Variants in ST6GALNAC3 observed in about 807,000 individuals in gnomAD.
The protein encoded by ST6GALNAC3 is alpha-N-acetylgalactosaminide alpha-2,6-sialyltransferase 3.
ST6GALNAC3 carries 25 observed loss-of-function variants against 32.7 expected under a neutral mutation model. The observed-to-expected ratio is 0.76, with a 90% CI of 0.56 to 1.07. The LOEUF (loss-of-function observed/expected upper bound fraction) is 1.07, where lower values mean the gene tolerates loss of function less well. Among genes scored for constraint, ST6GALNAC3 ranks in the 50% least tolerant of loss-of-function variants. ST6GALNAC3 has a pLI of 0.00. For synonymous variants in ST6GALNAC3, 129 were observed against 133.1 expected (o/e 0.97, Z 0.21); for missense variants, 355 against 382.4 (o/e 0.93, Z 0.60).
At chr1:76,470,651 A>T (rs1658962659) in intron 3 of ST6GALNAC3, among the ~76,000 whole-genome samples, 1 of 152,050 alleles carries the variant, frequency 6.6e-6, no homozygotes, top group African/African-American at 2.4e-5. Flanking sequence ...TAGGGGGGAA[A>T]AATCCAGGGT....
chr1:76,536,654 C>CAAA (rs35157329), intron 3 of ST6GALNAC3, among the ~76,000 whole-genome samples: 290 of 57,458 alleles, frequency 5.0e-3, no homozygotes, highest in African/African-American at 5.4e-3. Context: ...AAATGGAAAG[C>CAAA]AAAAAAAAAA....
chr1:76,233,120 C>T (rs979808303), intron 1 of ST6GALNAC3, among the ~76,000 whole-genome samples: 1 of 152,082 alleles, frequency 6.6e-6, no homozygotes, highest in Non-Finnish European at 1.5e-5. Context: ...GTTACCACAC[C>T]CATTCTTCCT....
chr1:76,316,303 C>T (rs1646864620), intron 2 of ST6GALNAC3, among the ~76,000 whole-genome samples: 2 of 152,220 alleles, frequency 1.3e-5, no homozygotes, highest in East Asian at 1.9e-4. Context: ...TAGAGGTGCT[C>T]ATGAACCCGT....
At chr1:76,227,767 T>G (rs1395824295) in intron 1 of ST6GALNAC3, among the ~76,000 whole-genome samples, 1 of 152,210 alleles carries the variant, frequency 6.6e-6, no homozygotes, top group Non-Finnish European at 1.5e-5. Flanking sequence ...TCAATTACAG[T>G]AATAATCAGC....
At chr1:76,277,253 T>C (rs578002299) in intron 1 of ST6GALNAC3, among the ~76,000 whole-genome samples, 8 of 151,834 alleles carry the variant, frequency 5.3e-5, no homozygotes, top group African/African-American at 1.9e-4. Flanking sequence ...TGTATGCCTA[T>C]GTGTGTGTGT....
intron 3 of ST6GALNAC3, among the ~76,000 whole-genome samples, chr1:76,500,161 C>T (rs1456873654): frequency 1.3e-5 from 2 of 152,134 alleles, no homozygotes; most frequent in African/African-American, 4.8e-5. Context: ...GATTGCATAT[C>T]ATATAACCTA....
intron 2 of ST6GALNAC3, among the ~76,000 whole-genome samples, chr1:76,339,592 A>T (rs1036690333): frequency 1.3e-5 from 2 of 152,176 alleles, no homozygotes; most frequent in African/African-American, 2.4e-5. Context: ...TTCCTTTTGA[A>T]TGTCCCACTA....
At chr1:76,156,866 G>A (rs1651470413) in intron 1 of ST6GALNAC3, among the ~76,000 whole-genome samples, 1 of 152,168 alleles carries the variant, frequency 6.6e-6, no homozygotes, top group Non-Finnish European at 1.5e-5. Context: ...CAAGTAGCTG[G>A]GACTACAGGC....
At chr1:76,185,350 T>C (rs1488570640) in intron 1 of ST6GALNAC3, among the ~76,000 whole-genome samples, 3 of 152,184 alleles carry the variant, frequency 2.0e-5, no homozygotes, top group African/African-American at 2.4e-5. Flanking sequence ...CACCATTTTA[T>C]TGGAACATCA....
At chr1:76,206,517 C>A (rs1428309614) in intron 1 of ST6GALNAC3, among the ~76,000 whole-genome samples, 2 of 152,114 alleles carry the variant, frequency 1.3e-5, no homozygotes, top group Non-Finnish European at 2.9e-5. Flanking sequence ...ATCATGAGGT[C>A]AGGAGATCAA....
chr1:76,376,224 AT>A (rs1651216199), intron 2 of ST6GALNAC3, among the ~76,000 whole-genome samples: 1 of 152,192 alleles, frequency 6.6e-6, no homozygotes, highest in African/African-American at 2.4e-5. Context: ...CAATGATAAC[AT>A]CTTATGTGAG....
intron 2 of ST6GALNAC3, among the ~76,000 whole-genome samples, chr1:76,398,079 C>CTGAGTACTTGCTT (rs1653117220): frequency 6.6e-6 from 1 of 152,006 alleles, no homozygotes; most frequent in Non-Finnish European, 1.5e-5. Flanking sequence ...TGGTTCCAGT[C>CTGAGTACTTGCTT]CTAGTAAGAA....
intron 3 of ST6GALNAC3, among the ~76,000 whole-genome samples, chr1:76,622,070 T>G (rs201186436): frequency 6.6e-6 from 1 of 151,992 alleles, no homozygotes; most frequent in East Asian, 1.9e-4. Context: ...GATAAATGAT[T>G]ATTATGCTTT....
intron 3 of ST6GALNAC3, among the ~76,000 whole-genome samples, chr1:76,521,330 T>TAC (rs964865811): frequency 1.1e-4 from 17 of 150,690 alleles, no homozygotes; most frequent in South Asian, 8.4e-4. Context: ...TACATGCATA[T>TAC]ACACACACAC....
intron 3 of ST6GALNAC3, among the ~76,000 whole-genome samples, chr1:76,489,013 T>C (rs770887439): frequency 6.6e-6 from 1 of 152,218 alleles, no homozygotes; most frequent in Non-Finnish European, 1.5e-5. Flanking sequence ...TTTGCTTATC[T>C]GCCTTCTTCT....
intron 1 of ST6GALNAC3, among the ~76,000 whole-genome samples, chr1:76,199,098 T>C (rs1468220857): frequency 6.6e-6 from 1 of 152,192 alleles, no homozygotes; most frequent in Non-Finnish European, 1.5e-5. Context: ...ATTCTTCCCT[T>C]TCCTTCAACA....
chr1:76,609,956 T>C (rs1468817437), intron 3 of ST6GALNAC3, among the ~76,000 whole-genome samples: 1 of 152,178 alleles, frequency 6.6e-6, no homozygotes. Context: ...GAGTGCTAAG[T>C]TGGTTAGGTT....
At chr1:76,436,831 ATAT>A (rs1250186453) in intron 3 of ST6GALNAC3, among the ~76,000 whole-genome samples, 1 of 152,146 alleles carries the variant, frequency 6.6e-6, no homozygotes, top group Admixed American at 6.5e-5. Flanking sequence ...ATTTAGGATA[ATAT>A]TCAACACATT....
intron 1 of ST6GALNAC3, among the ~76,000 whole-genome samples, chr1:76,212,167 C>T (rs1655204862): frequency 2.6e-5 from 4 of 152,294 alleles, no homozygotes; most frequent in Admixed American, 2.6e-4. Flanking sequence ...TCATTTCCAT[C>T]CTCAGAAAAA....
Sources: allele counts gnomAD v4.1 joint callset (sites outside exome capture counted in the v4.1 genomes callset), GRCh38; gene constraint gnomAD v4.1.1; transcripts MANE v1.5; gene names NCBI Gene and HGNC (gene_info 2026-07-23, HGNC 2026-07-21).